Variants in RAB3IP observed in about 807,000 individuals in gnomAD.
RAB3IP encodes the protein rab-3A-interacting protein.
RAB3IP carries 36 observed loss-of-function variants against 59.1 expected under a neutral mutation model. That is an observed-to-expected ratio of 0.61 (90% confidence interval 0.47 to 0.80). RAB3IP has a LOEUF of 0.80. RAB3IP is among the 30% of genes least tolerant of loss of function. The pLI, the probability that RAB3IP is intolerant of heterozygous loss-of-function variation, is 0.00. For missense variants in RAB3IP, 511 were observed against 536.0 expected (o/e 0.95, Z 0.46); for synonymous variants, 207 against 191.2 (o/e 1.08, Z -0.68).
intron 3 of RAB3IP, among the ~76,000 whole-genome samples, chr12:69,762,767 A>G (rs1362805682): frequency 1.3e-5 from 2 of 149,030 alleles, no homozygotes; most frequent in Admixed American, 1.3e-4. Context: ...AAAAAAAAAA[A>G]AAAAAAAAAA....
At chr12:69,786,457 A>G (rs1408540339) in intron 4 of RAB3IP, among the ~76,000 whole-genome samples, 1 of 152,142 alleles carries the variant, frequency 6.6e-6, no homozygotes, top group Non-Finnish European at 1.5e-5. Context: ...AAATTTAAGG[A>G]TAGGAAGAGT....
At chr12:69,757,172 T>A (rs1348849222) in intron 3 of RAB3IP, among the ~76,000 whole-genome samples, 1 of 152,250 alleles carries the variant, frequency 6.6e-6, no homozygotes. Flanking sequence ...TGGCCATATC[T>A]TATTCTTTTT....
chr12:69,761,826 T>A (rs1285456333), intron 3 of RAB3IP, among the ~76,000 whole-genome samples: 1 of 152,214 alleles, frequency 6.6e-6, no homozygotes, highest in African/African-American at 2.4e-5. Flanking sequence ...TCATTTTTAT[T>A]CATTTAACAC....
chr12:69,781,627 G>A (rs2136196274), intron 3 of RAB3IP, among the ~76,000 whole-genome samples: 1 of 152,242 alleles, frequency 6.6e-6, no homozygotes, highest in Middle Eastern at 3.4e-3. Flanking sequence ...ATCATATAGT[G>A]TGTAGCCTTT....
At chr12:69,762,756 C>CAAAAAAAAAAA (rs11445702) in intron 3 of RAB3IP, among the ~76,000 whole-genome samples, 23 of 76,736 alleles carry the variant, frequency 3.0e-4, no homozygotes, top group East Asian at 1.3e-3. Flanking sequence ...GACTCCGTCT[C>CAAAAAAAAAAA]AAAAAAAAAA....
At chr12:69,813,841 A>G (rs922397482) in intron 10 of RAB3IP, among the ~76,000 whole-genome samples, 11 of 151,946 alleles carry the variant, frequency 7.2e-5, no homozygotes, top group South Asian at 4.1e-4. Flanking sequence ...CCATCTTTCA[A>G]TCATGTAAAG....
At chr12:69,762,910 C>T (rs376465278) in intron 3 of RAB3IP, among the ~76,000 whole-genome samples, 1 of 152,000 alleles carries the variant, frequency 6.6e-6, no homozygotes, top group Non-Finnish European at 1.5e-5. Context: ...ATTGGTTCTA[C>T]TAACTGTAGC....
At chr12:69,759,765 C>T (rs1369667014) in intron 3 of RAB3IP, among the ~76,000 whole-genome samples, 10 of 149,712 alleles carry the variant, frequency 6.7e-5, no homozygotes, top group East Asian at 2.0e-4. Context: ...ACCTCCCTCC[C>T]GGATGGGGCG....
upstream of RAB3IP, chr12:69,738,613 G>C (rs893614395): frequency 2.7e-4 from 31 of 114,408 alleles, no homozygotes; most frequent in African/African-American, 8.6e-4. Flanking sequence ...CAGAGCGCGG[G>C]CCCGACGAAA....
At chr12:69,750,821 C>T (rs145286657) in intron 1 of RAB3IP, among the ~76,000 whole-genome samples, 1,632 of 151,438 alleles carry the variant, frequency 0.011, 27 homozygotes, top group African/African-American at 0.037. Context: ...TGATTGTCTC[C>T]GTTTTTGTGA....
chr12:69,812,619 T>A, intron 8 of RAB3IP, 159 bp from the exon 9 acceptor site: 1 of 601,998 alleles, frequency 1.7e-6, no homozygotes, highest in African/African-American at 1.9e-5. Context: ...GCAGAGACTT[T>A]GTCCTTTTCA....
At chr12:69,811,857 A>C (rs556247667) in intron 8 of RAB3IP, among the ~76,000 whole-genome samples, 1 of 152,292 alleles carries the variant, frequency 6.6e-6, no homozygotes, top group Admixed American at 6.5e-5. Context: ...GCTAAAATGT[A>C]ATGTTATTTA....
Position 69,792,838 on chromosome 12 carries a change from AAAAC to A in RAB3IP, c.607-1591_607-1588del, listed in dbSNP as rs1202202042. On this transcript the variant is annotated intron_variant, in intron 4 of 10. Transcript: ENST00000247833. ...CTCAGATACCTTCAAACATATTTTA[AAAAC>A]AAACAAAAAACTTTTCTAGCTTTTC... 2.6e-5 allele frequency among the ~76,000 whole-genome samples: 4 copies of A among 152,314 alleles called. No homozygotes were observed. In the East Asian group the frequency reaches 5.8e-4, roughly 22 times the overall value.
chr12:69,747,293 C>CAT (rs1868455235), intron 1 of RAB3IP, among the ~76,000 whole-genome samples: 1 of 137,708 alleles, frequency 7.3e-6, no homozygotes, highest in African/African-American at 2.8e-5. Flanking sequence ...CTTGCCCTTT[C>CAT]GTGTGTGTGT....
intron 8 of RAB3IP, among the ~76,000 whole-genome samples, chr12:69,811,059 A>G (rs1454747425): frequency 2.0e-5 from 3 of 152,238 alleles, no homozygotes; most frequent in South Asian, 4.1e-4. Context: ...GCCATAAAAA[A>G]GAATGAGATC....
At chr12:69,770,630 A>C (rs1198875672) in intron 3 of RAB3IP, among the ~76,000 whole-genome samples, 1 of 152,102 alleles carries the variant, frequency 6.6e-6, no homozygotes, top group Non-Finnish European at 1.5e-5. Flanking sequence ...GAAATACTGC[A>C]GTGATTAGTT....
At chr12:69,798,489 A>G (rs1877883762) in intron 6 of RAB3IP, among the ~76,000 whole-genome samples, 1 of 151,298 alleles carries the variant, frequency 6.6e-6, no homozygotes, top group African/African-American at 2.4e-5. Context: ...GTTCACTCTG[A>G]TGGTAGTTTC....
intron 3 of RAB3IP, among the ~76,000 whole-genome samples, chr12:69,772,813 A>T (rs1259247072): frequency 2.0e-5 from 3 of 152,176 alleles, no homozygotes; most frequent in Non-Finnish European, 4.4e-5. Context: ...ATAACTAAAG[A>T]TAGGAGTGGT....
intron 3 of RAB3IP, 114 bp from the exon 4 acceptor site, chr12:69,784,606 T>C (rs1875319509): frequency 2.3e-6 from 1 of 432,446 alleles, no homozygotes. Flanking sequence ...AATGTGAACA[T>C]TGTCAGAAGT....
Sources: gnomAD v4.1 joint callset for allele counts (sites outside exome capture counted in the v4.1 genomes callset) on GRCh38, gnomAD v4.1.1 for gene constraint, MANE v1.5 for transcripts, NCBI Gene and HGNC (gene_info 2026-07-23, HGNC 2026-07-21) for gene names.